The following CASTOR2 variants were observed in gnomAD, a reference collection of about 807,000 sequenced individuals.
CASTOR2 encodes the protein GATS protein like 2.
In CASTOR2, 8 loss-of-function variants were observed where a neutral mutation model predicts 31.2. The observed-to-expected ratio is 0.26, with a 90% CI of 0.15 to 0.46. The LOEUF (loss-of-function observed/expected upper bound fraction) is 0.46, where lower values mean the gene tolerates loss of function less well. Among genes scored for constraint, CASTOR2 ranks in the 20% least tolerant of loss-of-function variants. CASTOR2 has a pLI of 0.99. For missense variants in CASTOR2, 216 were observed against 382.1 expected (o/e 0.57, Z 3.62); for synonymous variants, 162 against 158.7 (o/e 1.02, Z -0.16).
intron 1 of CASTOR2, among the ~76,000 whole-genome samples, chr7:74,994,010 C>T (rs34295084): frequency 0.78 from 118,695 of 152,170 alleles, 46,623 homozygotes; most frequent in East Asian, 0.97. Flanking sequence ...CCAGGATGCC[C>T]GGGGAGAGGC....
chr7:74,997,936 T>G (rs1157497598), intron 1 of CASTOR2, among the ~76,000 whole-genome samples: 4 of 152,144 alleles, frequency 2.6e-5, no homozygotes, highest in Non-Finnish European at 4.4e-5. Context: ...CTTCTGCTGA[T>G]GGGCGTCTGG....
rs1306300526 is a variant in CASTOR2 at position 75,021,866 on chromosome 7, T to C, written c.747-8T>C. The C allele has an allele frequency of 2.1e-5, 32 of 1,551,604 alleles. No homozygotes were observed. The highest frequency in any genetic ancestry group is 2.8e-5 in the Non-Finnish European group (32 of 1,146,890). ...GCCTCGGGGATTCTTCTCTCGCTCC[T>C]TTTGAAGGTTTCCTAGTAACTTGCT... On this transcript the variant is annotated splice_polypyrimidine_tract_variant and splice_region_variant and intron_variant, in intron 6 of 8. Transcript: ENST00000616305.
At chr7:74,971,076 A>G (rs2131912749) in intron 1 of CASTOR2, among the ~76,000 whole-genome samples, 1 of 150,438 alleles carries the variant, frequency 6.6e-6, no homozygotes, top group East Asian at 2.0e-4. Context: ...GCTCACTGCA[A>G]CCTCCGCCTC....
At chr7:75,014,941 G>A (rs1325285384) in intron 2 of CASTOR2, among the ~76,000 whole-genome samples, 6 of 152,334 alleles carry the variant, frequency 3.9e-5, no homozygotes, top group South Asian at 4.1e-4. Context: ...TTGGCCCCTC[G>A]GAGCCCGAAG....
chr7:75,009,146 T>C (rs1481356182), intron 2 of CASTOR2, among the ~76,000 whole-genome samples: 4 of 149,280 alleles, frequency 2.7e-5, no homozygotes, highest in Non-Finnish European at 5.9e-5. Flanking sequence ...TTAGTAGAGA[T>C]GGAGATTCAC....
chr7:74,998,526 A>G (rs1473914372), intron 1 of CASTOR2, among the ~76,000 whole-genome samples: 3 of 151,164 alleles, frequency 2.0e-5, no homozygotes, highest in African/African-American at 4.9e-5. Context: ...TCGCTTGAAC[A>G]TGGGAGACAG....
chr7:75,008,536 G>A (rs1398363612), intron 2 of CASTOR2, among the ~76,000 whole-genome samples: 130,650 of 151,918 alleles, frequency 0.86, 56,292 homozygotes, highest in East Asian at 0.97. Context: ...CTACTAAAAC[G>A]TTACTTTAAA....
chr7:75,011,875 G>C (rs1222988995), intron 2 of CASTOR2, among the ~76,000 whole-genome samples: 1 of 151,856 alleles, frequency 6.6e-6, no homozygotes, highest in Non-Finnish European at 1.5e-5. Flanking sequence ...GCCAAGGCAG[G>C]AGAATCGCTT....
intron 1 of CASTOR2, among the ~76,000 whole-genome samples, chr7:74,996,355 A>G (rs1277118943): frequency 2.0e-5 from 3 of 152,102 alleles, no homozygotes; most frequent in Non-Finnish European, 4.4e-5. Flanking sequence ...GAGAGTTACC[A>G]TGTGACAGGA....
In CASTOR2 at chr7:75,030,510, T is replaced by G. The variant is rs1314472868; in HGVS notation, c.*5811T>G. Reference sequence around the variant, plus strand: ...AGGTGTCAGGAACAGTTTGAGCAGTTCTGGCTCAGGGTCATTCATGAGGTT... The same window carrying G: ...AGGTGTCAGGAACAGTTTGAGCAGTGCTGGCTCAGGGTCATTCATGAGGTT... On this transcript the variant is annotated 3_prime_UTR_variant, in exon 9 of 9. Transcript: ENST00000616305. Among the ~76,000 whole-genome samples the G allele has an allele frequency of 6.6e-6, 1 of 152,126 alleles. No homozygotes were observed. The highest frequency in any genetic ancestry group is 1.5e-5 in the Non-Finnish European group (1 of 68,022).
intron 1 of CASTOR2, among the ~76,000 whole-genome samples, chr7:74,990,221 T>TA (rs1804173632): frequency 6.6e-6 from 1 of 151,634 alleles, no homozygotes. Context: ...ACCCCGTCTC[T>TA]ACTAAAAATA....
intron 1 of CASTOR2, among the ~76,000 whole-genome samples, chr7:74,991,798 T>G (rs1394170643): frequency 5.9e-5 from 9 of 151,742 alleles, no homozygotes; most frequent in Non-Finnish European, 1.3e-4. Context: ...CCAGCAGTGG[T>G]CACATGGGGG....
At chr7:74,971,146 C>T (rs1177912783) in intron 1 of CASTOR2, among the ~76,000 whole-genome samples, 3 of 144,768 alleles carry the variant, frequency 2.1e-5, no homozygotes, top group African/African-American at 7.7e-5. Flanking sequence ...CAGGCACCCA[C>T]CACCATGCCC....
At chr7:74,992,783 G>T (rs1396218870) in intron 1 of CASTOR2, among the ~76,000 whole-genome samples, 2 of 152,086 alleles carry the variant, frequency 1.3e-5, no homozygotes, top group Non-Finnish European at 2.9e-5. Context: ...CATGCTTGTA[G>T]TCCCAGCTAC....
chr7:75,024,050 T>C (rs1373414728), intron 7 of CASTOR2, among the ~76,000 whole-genome samples: 1 of 151,964 alleles, frequency 6.6e-6, no homozygotes, highest in Admixed American at 6.6e-5. Flanking sequence ...CACTTTGGGA[T>C]GTGGAGGTGG....
In CASTOR2 at chr7:75,028,192, A is replaced by C; in HGVS notation, c.*3493A>C. 1.0e-6 allele frequency: 1 copy of C among 990,162 alleles called. No homozygotes were observed. The highest frequency in any genetic ancestry group is 1.4e-6 in the Non-Finnish European group (1 of 699,982). The allele number at this position is 990,162 out of a possible 1,614,324, so 61.3% of individuals were successfully genotyped here. ...GAGTGCTGTGGCATGATCTCAGCTC[A>C]CTGCAGCAACCTCCACTTCCTGGGT... is the stretch of plus-strand genomic sequence containing the variant. On this transcript the variant is annotated 3_prime_UTR_variant, in exon 9 of 9. Coordinates refer to ENST00000616305, the MANE Select transcript of CASTOR2 (RefSeq NM_001145064.3).
At chr7:75,007,923 C>A in intron 1 of CASTOR2, 71 bp from the exon 2 acceptor site, 2 of 1,609,916 alleles carry the variant, frequency 1.2e-6, no homozygotes, top group Non-Finnish European at 8.5e-7. Flanking sequence ...ATCCCCAGGG[C>A]ACGGGTGGGC....
intron 1 of CASTOR2, among the ~76,000 whole-genome samples, chr7:74,991,777 C>T (rs1323803441): frequency 6.6e-6 from 1 of 151,826 alleles, no homozygotes; most frequent in Non-Finnish European, 1.5e-5. Flanking sequence ...CACTAAGGAA[C>T]GAGGAGGGGC....
chr7:74,994,498 C>A (rs1554437700), intron 1 of CASTOR2, among the ~76,000 whole-genome samples: 1 of 152,142 alleles, frequency 6.6e-6, no homozygotes, highest in African/African-American at 2.4e-5. Context: ...TGCCTGTAAT[C>A]CCAGCACTTT....
Sources: allele counts gnomAD v4.1 joint callset (sites outside exome capture counted in the v4.1 genomes callset), GRCh38; gene constraint gnomAD v4.1.1; transcripts MANE v1.5; gene names NCBI Gene and HGNC (gene_info 2026-07-23, HGNC 2026-07-21).